Variants in WWC2 observed in about 807,000 individuals in gnomAD.
WWC2 encodes the protein protein WWC2.
A neutral mutation model predicts 138.5 loss-of-function variants in WWC2; 101 were observed. The observed-to-expected ratio is 0.73, with a 90% CI of 0.62 to 0.86. WWC2 has a LOEUF of 0.86. Ranked by LOEUF, WWC2 falls within the 40% of genes least tolerant of loss-of-function variation. The pLI, the probability that WWC2 is intolerant of heterozygous loss-of-function variation, is 0.00. For synonymous variants in WWC2, 558 were observed against 538.4 expected (o/e 1.04, Z -0.50); for missense variants, 1,420 against 1,419.4 (o/e 1.00, Z -0.01).
At chr4:183,108,858 C>G (rs963346388) in intron 1 of WWC2, among the ~76,000 whole-genome samples, 1 of 152,158 alleles carries the variant, frequency 6.6e-6, no homozygotes, top group Non-Finnish European at 1.5e-5. Context: ...ATCTGCCTGC[C>G]TCGGCCTCCC....
At chr4:183,310,667 A>AT (rs33923162) in intron 21 of WWC2, among the ~76,000 whole-genome samples, 87,927 of 130,920 alleles carry the variant, frequency 0.67, 30,213 homozygotes, top group Middle Eastern at 0.83. Context: ...CACCTAGCTA[A>AT]TTTTTTTTTT....
Position 183,270,825 on chromosome 4 carries a change from A to G in WWC2, c.2401-255A>G, listed in dbSNP as rs186879633. ...GCATGCTTAGTCATTAGGTCTTCGC[A>G]AAATGGTATCTCACAAACTAATCCC... On this transcript the variant is annotated intron_variant, in intron 15 of 22. Coordinates refer to ENST00000403733, the MANE Select transcript of WWC2 (RefSeq NM_024949.6). Among the ~76,000 whole-genome samples the G allele has an allele frequency of 4.5e-3, 688 of 152,292 alleles. 4 individuals are homozygous for G. The highest frequency in any genetic ancestry group is 0.016 in the African/African-American group (662 of 41,548).
At chr4:183,170,792 A>G (rs1734254399) in intron 1 of WWC2, among the ~76,000 whole-genome samples, 1 of 151,902 alleles carries the variant, frequency 6.6e-6, no homozygotes, top group Non-Finnish European at 1.5e-5. Flanking sequence ...TGAACTCCTC[A>G]AGTGATCCTT....
At chr4:183,105,416 T>C (rs771182187) in intron 1 of WWC2, among the ~76,000 whole-genome samples, 3 of 152,114 alleles carry the variant, frequency 2.0e-5, no homozygotes, top group Admixed American at 2.0e-4. Context: ...TGTAGGAAAA[T>C]GAGATTATCA....
chr4:183,128,051 A>G (rs999904488), intron 1 of WWC2, among the ~76,000 whole-genome samples: 1 of 151,900 alleles, frequency 6.6e-6, no homozygotes, highest in Non-Finnish European at 1.5e-5. Context: ...CTGAAAAAAA[A>G]AAAAAAAGGC....
At chr4:183,120,945 A>C (rs1732580771) in intron 1 of WWC2, among the ~76,000 whole-genome samples, 2 of 151,840 alleles carry the variant, frequency 1.3e-5, no homozygotes, top group South Asian at 4.2e-4. Context: ...CATTGTGGCC[A>C]GGAGGGGTTG....
At chr4:183,198,748 G>C (rs1735218817) in intron 2 of WWC2, among the ~76,000 whole-genome samples, 1 of 117,602 alleles carries the variant, frequency 8.5e-6, no homozygotes, top group African/African-American at 3.3e-5. Flanking sequence ...GAGCCTAAGA[G>C]CTCAAGGCCA....
intron 1 of WWC2, among the ~76,000 whole-genome samples, chr4:183,177,530 A>G (rs1443979497): frequency 6.6e-6 from 1 of 152,204 alleles, no homozygotes; most frequent in African/African-American, 2.4e-5. Flanking sequence ...TTGTTTAACA[A>G]GGTTCAAGAA....
intron 20 of WWC2, among the ~76,000 whole-genome samples, chr4:183,287,412 T>C (rs1191173696): frequency 1.3e-5 from 2 of 152,186 alleles, no homozygotes; most frequent in African/African-American, 2.4e-5. Context: ...CTTAAGCAGC[T>C]CATACTCTCA....
At chr4:183,311,652 T>C (rs28508565) in intron 21 of WWC2, among the ~76,000 whole-genome samples, 1 of 148,520 alleles carries the variant, frequency 6.7e-6, no homozygotes, top group Non-Finnish European at 1.5e-5. Context: ...CGATCTCGGC[T>C]CACTGCAAGC....
chr4:183,176,293 C>T (rs1734465182), intron 1 of WWC2, among the ~76,000 whole-genome samples: 1 of 152,144 alleles, frequency 6.6e-6, no homozygotes, highest in South Asian at 2.1e-4. Flanking sequence ...ATTCTTTAGG[C>T]TGCTTAGGAA....
intron 4 of WWC2, among the ~76,000 whole-genome samples, chr4:183,213,664 A>G (rs1735671386): frequency 6.6e-6 from 1 of 152,232 alleles, no homozygotes; most frequent in Non-Finnish European, 1.5e-5. Context: ...CAAATGGGAT[A>G]ACAGTACTTC....
rs1738972615 is a variant in WWC2 at position 183,304,886 on chromosome 4, A to G, written c.3385-7455A>G. Among the ~76,000 whole-genome samples the G allele has an allele frequency of 7.2e-5, 11 of 152,348 alleles. No homozygotes were observed. The South Asian group carries it at 2.1e-3, about 29-fold the overall frequency. On this transcript the variant is annotated intron_variant, in intron 21 of 22. Coordinates refer to ENST00000403733, the MANE Select transcript of WWC2 (RefSeq NM_024949.6). ...TAAGGCCTACTAACAGGCAAAAAAC[A>G]GAGTTTAAAGAGGCAAAACAAGCAT...
chr4:183,212,630 A>G (rs889062643), intron 4 of WWC2, among the ~76,000 whole-genome samples: 4 of 152,246 alleles, frequency 2.6e-5, no homozygotes, highest in Non-Finnish European at 5.9e-5. Context: ...TGTAAATGGA[A>G]TAACCACAAT....
rs1739485801 is a variant in WWC2 at position 183,317,645 on chromosome 4, C to T, written c.*1916C>T. On this transcript the variant is annotated 3_prime_UTR_variant, in exon 23 of 23. Coordinates refer to ENST00000403733, the MANE Select transcript of WWC2 (RefSeq NM_024949.6). ...TTGTTCCGTACGATTTTATTTTCTT[C>T]ATTTATTTATTTACAGTCTTATTTA... 6.6e-6 allele frequency: 1 copy of T among 152,512 alleles called. No homozygotes were observed. The highest frequency in any genetic ancestry group is 2.4e-5 in the African/African-American group (1 of 41,414). The allele number at this position is 152,512 out of a possible 1,614,324, so 9.4% of individuals were successfully genotyped here. A position where few individuals can be genotyped will look rare whatever the true frequency, so the allele number is the denominator to read the frequency against.
At chr4:183,233,909 T>C (rs750429824) in intron 4 of WWC2, 8 of 152,194 alleles carry the variant, frequency 5.3e-5, no homozygotes, top group Non-Finnish European at 8.8e-5. Flanking sequence ...ATTGGCTTGC[T>C]TAAGGAGCTC....
In WWC2 at chr4:183,320,007, A is replaced by G; in HGVS notation, c.*4278A>G. ...GACCCTGAGTTCAGCAGGCAAAGCCAGGAAGGAGTCAAAGTCCTTGCATTG... is the reference window on the plus strand; with the variant it reads ...GACCCTGAGTTCAGCAGGCAAAGCCGGGAAGGAGTCAAAGTCCTTGCATTG... On this transcript the variant is annotated 3_prime_UTR_variant, in exon 23 of 23. Transcript: ENST00000403733. The G allele has an allele frequency of 3.1e-6, 5 of 1,613,980 alleles. No homozygotes were observed. Among genetic ancestry groups the G allele is most frequent in the Non-Finnish European group, 4.2e-6 (5 of 1,179,874 alleles).
chr4:183,224,174 C>A (rs1736005736), intron 4 of WWC2, among the ~76,000 whole-genome samples: 1 of 152,086 alleles, frequency 6.6e-6, no homozygotes, highest in Admixed American at 6.5e-5. Context: ...TCCTATAATT[C>A]CTGTAAATTA....
At position 183,123,402 on chromosome 4, in the gene WWC2, GGT is replaced by G. The variant is rs67158904; in HGVS notation, c.131+23811_131+23812del. On this transcript the variant is annotated intron_variant, in intron 1 of 22. Transcript: ENST00000403733. ...GTTTAGAGAAACACAGCAAGTTTCA[GGT>G]GTGTGTGTGTGTGTGTGTGTGTGTG... 5.0e-3 allele frequency among the ~76,000 whole-genome samples: 741 copies of G among 147,706 alleles called. 10 individuals are homozygous for G. Among genetic ancestry groups the G allele is most frequent in the African/African-American group, 0.017 (670 of 40,254 alleles).
Sources: allele counts gnomAD v4.1 joint callset (sites outside exome capture counted in the v4.1 genomes callset), GRCh38; gene constraint gnomAD v4.1.1; transcripts MANE v1.5; gene names NCBI Gene and HGNC (gene_info 2026-07-23, HGNC 2026-07-21).